The following CSMD1 variants were observed in gnomAD, a reference collection of about 807,000 sequenced individuals.
CSMD1 encodes the protein CUB and Sushi multiple domains 1.
Under a neutral mutation model 417.5 loss-of-function variants are expected in CSMD1, and 213 were observed. The observed-to-expected ratio is 0.51, with a 90% CI of 0.46 to 0.57. The LOEUF is 0.57. Ranked by LOEUF, CSMD1 falls within the 20% of genes least tolerant of loss-of-function variation. The probability of loss-of-function intolerance (pLI) is 0.00; values close to 1 mark genes in which losing one functional copy is unlikely to be tolerated. For missense variants in CSMD1, 6,923 were observed against 4,529.7 expected, an observed-to-expected ratio of 1.53 and a Z score of -15.17; for synonymous variants, 2,862 against 1,736.8, an observed-to-expected ratio of 1.65 and a Z score of -16.11.
intron 2 of CSMD1, among the ~76,000 whole-genome samples, chr8:4,455,752 G>A (rs1222421629): frequency 1.3e-5 from 2 of 151,350 alleles, no homozygotes. Flanking sequence ...CCAACATGGT[G>A]AAACCCCGTC....
At chr8:3,159,207 ATAAAATGG>A (rs1819728665) in intron 38 of CSMD1, among the ~76,000 whole-genome samples, 1 of 152,178 alleles carries the variant, frequency 6.6e-6, no homozygotes, top group African/African-American at 2.4e-5. Context: ...GAGACTACCA[ATAAAATGG>A]TCATTTATTA....
At chr8:4,907,984 C>G (rs902070892) in intron 1 of CSMD1, among the ~76,000 whole-genome samples, 1 of 152,140 alleles carries the variant, frequency 6.6e-6, no homozygotes. Flanking sequence ...CATAGATATT[C>G]TAATACACCA....
At chr8:4,950,921 T>G (rs1226094499) in intron 1 of CSMD1, among the ~76,000 whole-genome samples, 2 of 151,836 alleles carry the variant, frequency 1.3e-5, no homozygotes, top group Non-Finnish European at 2.9e-5. Context: ...GTACCATTCT[T>G]GACAAATAAC....
chr8:3,711,358 G>A (rs561355445), intron 6 of CSMD1, among the ~76,000 whole-genome samples: 21 of 152,158 alleles, frequency 1.4e-4, no homozygotes, highest in African/African-American at 5.1e-4. Flanking sequence ...TCCAAGGAAG[G>A]GCTGGCCAGA....
intron 3 of CSMD1, among the ~76,000 whole-genome samples, chr8:4,308,401 ATG>A (rs944010714): frequency 2.0e-4 from 30 of 150,390 alleles, no homozygotes; most frequent in Non-Finnish European, 3.7e-4. Context: ...GTATTCGTGC[ATG>A]TGTGTGTGTG....
chr8:4,404,297 T>A (rs1804860859), intron 3 of CSMD1, among the ~76,000 whole-genome samples: 1 of 152,188 alleles, frequency 6.6e-6, no homozygotes, highest in South Asian at 2.1e-4. Context: ...GCTGTATATT[T>A]CAATCATGTA....
intron 2 of CSMD1, among the ~76,000 whole-genome samples, chr8:4,629,180 T>A (rs1218982032): frequency 6.6e-6 from 1 of 152,220 alleles, no homozygotes; most frequent in African/African-American, 2.4e-5. Context: ...ATTTGTAGAA[T>A]ACATTCTTAG....
At position 4,143,783 on chromosome 8, in the gene CSMD1, AG is replaced by A. The variant is rs1247324892; in HGVS notation, c.416-111685del. Among the ~76,000 whole-genome samples the A allele has an allele frequency of 3.3e-5, 5 of 151,320 alleles. No individual in the cohort carries two copies. The East Asian group carries it at 5.8e-4, about 18-fold the overall frequency. On this transcript the variant is annotated intron_variant, in intron 3 of 69. Transcript: ENST00000635120. Reference sequence around the variant, plus strand: ...GCCAGAAAGCACTTCACAGGGTGGGAGGGGGCCCAAGCAAGCTGTTCCAGGG... The same window carrying A: ...GCCAGAAAGCACTTCACAGGGTGGGAGGGGCCCAAGCAAGCTGTTCCAGGG...
intron 26 of CSMD1, among the ~76,000 whole-genome samples, chr8:3,280,823 C>A (rs1802676649): frequency 6.6e-6 from 1 of 151,880 alleles, no homozygotes. Context: ...TTTCCATGAT[C>A]CTCAAATAAT....
At chr8:3,947,767 G>GT (rs1267830457) in intron 5 of CSMD1, among the ~76,000 whole-genome samples, 3 of 152,118 alleles carry the variant, frequency 2.0e-5, no homozygotes, top group Non-Finnish European at 4.4e-5. Context: ...TCCATGTGCG[G>GT]TTGAAAGGAC....
intron 1 of CSMD1, among the ~76,000 whole-genome samples, chr8:4,719,310 A>G (rs138339579): frequency 1.8e-3 from 269 of 152,298 alleles, no homozygotes; most frequent in Non-Finnish European, 3.5e-3. Flanking sequence ...CCTAATAAGA[A>G]ATAAGGGTTT....
chr8:3,927,084 T>C (rs560974044), intron 5 of CSMD1, among the ~76,000 whole-genome samples: 4 of 152,094 alleles, frequency 2.6e-5, no homozygotes, highest in African/African-American at 9.6e-5. Flanking sequence ...TTTATTGTAA[T>C]TATCTTTAGG....
At chr8:4,635,672 C>T (rs1387627521) in intron 2 of CSMD1, among the ~76,000 whole-genome samples, 1 of 151,978 alleles carries the variant, frequency 6.6e-6, no homozygotes, top group African/African-American at 2.4e-5. Flanking sequence ...GTTTTTATTA[C>T]CATTATAATA....
intron 10 of CSMD1, among the ~76,000 whole-genome samples, chr8:3,507,433 T>G (rs1011381374): frequency 2.6e-5 from 4 of 152,196 alleles, no homozygotes; most frequent in Non-Finnish European, 5.9e-5. Context: ...GTTCCAAGTC[T>G]TTGCTATTGT....
At chr8:3,291,704 G>T (rs1250852750) in intron 25 of CSMD1, among the ~76,000 whole-genome samples, 2 of 151,478 alleles carry the variant, frequency 1.3e-5, no homozygotes, top group African/African-American at 4.9e-5. Flanking sequence ...ATGTCTATTT[G>T]ATTCTTCTCT....
intron 1 of CSMD1, among the ~76,000 whole-genome samples, chr8:4,934,361 G>T (rs575714312): frequency 3.9e-4 from 59 of 152,290 alleles, no homozygotes; most frequent in Middle Eastern, 3.4e-3. Context: ...TATTTGTATA[G>T]ATATGAAAAT....
At chr8:3,604,231 G>A (rs1040514776) in intron 8 of CSMD1, among the ~76,000 whole-genome samples, 1 of 152,084 alleles carries the variant, frequency 6.6e-6, no homozygotes. Flanking sequence ...CAAATTGGAA[G>A]CATAGACGTG....
chr8:3,789,186 C>A (rs1371060805), intron 5 of CSMD1, among the ~76,000 whole-genome samples: 1 of 152,090 alleles, frequency 6.6e-6, no homozygotes, highest in Non-Finnish European at 1.5e-5. Context: ...ATGTGAGGAT[C>A]CAACATGAAA....
chr8:4,544,260 G>A (rs1334778494), intron 2 of CSMD1, among the ~76,000 whole-genome samples: 1 of 151,856 alleles, frequency 6.6e-6, no homozygotes, highest in Non-Finnish European at 1.5e-5. Context: ...TTCATATTTA[G>A]GTCTATGAGC....
Sources: allele counts gnomAD v4.1 joint callset (sites outside exome capture counted in the v4.1 genomes callset), GRCh38; gene constraint gnomAD v4.1.1; transcripts MANE v1.5; gene names NCBI Gene and HGNC (gene_info 2026-07-23, HGNC 2026-07-21).